BBS5: variants seen among roughly 807,000 people sequenced by gnomAD.
The protein encoded by BBS5 is BBSome complex member BBS5.
BBS5 carries 39 observed loss-of-function variants against 50.2 expected under a neutral mutation model. The observed-to-expected ratio is 0.78, with a 90% confidence interval of 0.60 to 1.01. The LOEUF is 1.01. Ranked by LOEUF, BBS5 falls within the 50% of genes least tolerant of loss-of-function variation. BBS5 has a pLI of 0.00. For missense variants in BBS5, 356 were observed against 401.5 expected (o/e 0.89, Z 0.97); for synonymous variants, 134 against 133.1 (o/e 1.01, Z -0.05).
chr2:169,488,215 G>A (rs1024745949), intron 5 of BBS5, 101 bp downstream of exon 5: 16 of 1,185,936 alleles, frequency 1.3e-5, no homozygotes, highest in Non-Finnish European at 2.0e-5. Context: ...CCAGTTTCAT[G>A]GAAGACAGTT....
Position 169,495,357 on chromosome 2 carries a change from T to C in BBS5, c.618+1521T>C, listed in dbSNP as rs151313189. The stretch of plus-strand genomic sequence containing the variant: ...ACCTAACTTCTATTATGCTGAATAA[T>C]TACTGAGTAGTAAACAACCTTGTGC... On this transcript the variant is annotated intron_variant, in intron 7 of 11. Transcript: ENST00000295240. Among the ~76,000 whole-genome samples the C allele has an allele frequency of 3.9e-4, 59 of 152,322 alleles. 1 individual carries two copies. In the East Asian group the frequency reaches 0.011, roughly 29 times the overall value.
chr2:169,490,464 C>A (rs1021818013), intron 5 of BBS5, among the ~76,000 whole-genome samples: 1 of 152,136 alleles, frequency 6.6e-6, no homozygotes, highest in Non-Finnish European at 1.5e-5. Context: ...GATCCGCCCA[C>A]CTTGGCCTTC....
intron 6 of BBS5, chr2:169,493,216 T>C: frequency 1.7e-6 from 1 of 600,930 alleles, no homozygotes. Context: ...CTGGAATGTC[T>C]CCTTAATTAA....
Position 169,493,770 on chromosome 2 carries a change from T to C in BBS5, c.552T>C (p.Asn184=). Residue 184 remains asparagine, a synonymous_variant, in exon 7 of 12, where the codon AAT becomes AAC. Transcript: ENST00000295240. ...QGNLGTFFIT[N]VRIVWHANMN... ...ATTTAGGAACCTTTTTTATTACCAA[T>C]GTGAGAATTGTGTGGCATGCAAATA... is the stretch of plus-strand genomic sequence containing the variant. 1.2e-6 allele frequency: 2 copies of C among 1,612,936 alleles called. No individual in the cohort carries two copies. Among genetic ancestry groups the C allele is most frequent in the Non-Finnish European group, 1.7e-6 (2 of 1,179,002 alleles).
chr2:169,502,761 CTG>C (rs927640552), intron 9 of BBS5, among the ~76,000 whole-genome samples: 1 of 152,104 alleles, frequency 6.6e-6, no homozygotes, highest in East Asian at 1.9e-4. Flanking sequence ...CTGAGGAAAA[CTG>C]AACATTTGCT....
chr2:169,500,157 T>C (rs1044432183), intron 9 of BBS5, among the ~76,000 whole-genome samples: 1 of 152,258 alleles, frequency 6.6e-6, no homozygotes, highest in Non-Finnish European at 1.5e-5. Flanking sequence ...TCCTGGTTGC[T>C]GCTACTATTC....
chr2:169,502,803 T>C (rs1189400894), intron 9 of BBS5, among the ~76,000 whole-genome samples: 1 of 152,236 alleles, frequency 6.6e-6, no homozygotes, highest in African/African-American at 2.4e-5. Flanking sequence ...TTCTAAATAA[T>C]GTGAAAGAAA....
At chr2:169,486,858 T>C (rs889479886) in intron 2 of BBS5, among the ~76,000 whole-genome samples, 3 of 152,172 alleles carry the variant, frequency 2.0e-5, no homozygotes, top group Non-Finnish European at 4.4e-5. Flanking sequence ...GTATCCCTTA[T>C]ATAACTGTCA....
At chr2:169,481,426 G>A (rs937563334) in intron 1 of BBS5, among the ~76,000 whole-genome samples, 4 of 152,176 alleles carry the variant, frequency 2.6e-5, no homozygotes, top group Admixed American at 6.5e-5. Context: ...GCAGAGAGAG[G>A]TTGGAAGTAC....
At chr2:169,487,384 T>C (rs1367351241) in intron 3 of BBS5, among the ~76,000 whole-genome samples, 1 of 152,138 alleles carries the variant, frequency 6.6e-6, no homozygotes, top group East Asian at 1.9e-4. Context: ...GAGAACATAC[T>C]ATCATCCCCT....
In BBS5 at chr2:169,504,841, G is replaced by T. The variant is rs1683874257; in HGVS notation, c.*259G>T. 4.4e-6 allele frequency: 7 copies of T among 1,605,646 alleles called. No individual in the cohort carries two copies. The South Asian group carries it at 4.4e-5, about 10-fold the overall frequency. ...CTTAAGCCATGGCTGAGGGTAGCTG[G>T]ATTCCTCAGGCCCGGGCGCTCCTAC... On this transcript the variant is annotated 3_prime_UTR_variant, in exon 12 of 12. Coordinates refer to ENST00000295240, the MANE Select transcript of BBS5 (RefSeq NM_152384.3).
chr2:169,497,157 C>T (rs977352579), intron 7 of BBS5, among the ~76,000 whole-genome samples: 1 of 151,952 alleles, frequency 6.6e-6, no homozygotes, highest in Admixed American at 6.5e-5. Context: ...CCTATCTCTA[C>T]AAAAAAGAAA....
intron 7 of BBS5, among the ~76,000 whole-genome samples, chr2:169,494,423 C>T (rs1683657422): frequency 6.6e-6 from 1 of 151,982 alleles, no homozygotes; most frequent in Admixed American, 6.6e-5. Context: ...TCAATTAAAA[C>T]TGTTAAAATC....
At position 169,488,042 on chromosome 2, in the gene BBS5, G is replaced by C. The variant is rs750310876; in HGVS notation, c.314G>C (p.Arg105Pro). Reference sequence around the variant, plus strand: ...ATACTAACAAAATGTAACAGTACTCGTTTTGAATTTATATTTACAAATTTG... The same window carrying C: ...ATACTAACAAAATGTAACAGTACTCCTTTTGAATTTATATTTACAAATTTG... ...LYILTKCNST[R>P]FEFIFTNLVP... The change falls in exon 5 of 12, where the codon CGT becomes CCT. Residue 105 changes from arginine (R) to proline (P), a missense_variant. Transcript: ENST00000295240. The C allele has an allele frequency of 5.0e-6, 8 of 1,613,470 alleles. No individual in the cohort carries two copies. Among genetic ancestry groups the C allele is most frequent in the Non-Finnish European group, 5.1e-6 (6 of 1,179,562 alleles).
chr2:169,505,037 C>T lies in BBS5; in HGVS notation c.*455C>T, dbSNP rs896376904. ...TGGACTGTACTGCTGCCATCTCTGG[C>T]TCACTGCAACCTCCCTGCCTGATTC... On this transcript the variant is annotated 3_prime_UTR_variant, in exon 12 of 12. Transcript: ENST00000295240. 37 of 1,535,314 alleles carry T rather than the reference C, an allele frequency of 2.4e-5. No homozygotes were observed. The South Asian group carries it at 3.8e-4, about 16-fold the overall frequency.
intron 5 of BBS5, among the ~76,000 whole-genome samples, chr2:169,492,480 C>A (rs1205815165): frequency 6.8e-6 from 1 of 146,328 alleles, no homozygotes; most frequent in Non-Finnish European, 1.5e-5. Flanking sequence ...TAGAGTGAGA[C>A]TCCATCTCAA....
In BBS5 at chr2:169,506,143, C is replaced by A; in HGVS notation, c.*1561C>A. The A allele has an allele frequency of 6.9e-6, 1 of 144,612 alleles. No individual in the cohort carries two copies. The highest frequency in any genetic ancestry group is 2.1e-4 in the East Asian group (1 of 4,862). The allele number at this position is 144,612 out of a possible 1,614,324, so 9.0% of individuals were successfully genotyped here. A position where few individuals can be genotyped will look rare whatever the true frequency, so the allele number is the denominator to read the frequency against. ...AGGAGGGAGGTGGGGGGGTCAGCCC[C>A]CCGCCCGGCCAGCCGCCCGGTCCGG... is the stretch of plus-strand genomic sequence containing the variant. On this transcript the variant is annotated 3_prime_UTR_variant, in exon 12 of 12. Transcript: ENST00000295240.
intron 2 of BBS5, among the ~76,000 whole-genome samples, chr2:169,483,600 T>C (rs1384186293): frequency 6.6e-6 from 1 of 152,162 alleles, no homozygotes; most frequent in Non-Finnish European, 1.5e-5. Context: ...ATGTCTTTAT[T>C]GATTGTTTAG....
intron 7 of BBS5, 106 bp downstream of exon 7, chr2:169,493,942 T>A: frequency 1.4e-6 from 1 of 698,594 alleles, no homozygotes; most frequent in Non-Finnish European, 2.5e-6. Context: ...TTTTAAGTGG[T>A]AGCAGTTATT....
Sources: allele counts gnomAD v4.1 joint callset (sites outside exome capture counted in the v4.1 genomes callset), GRCh38; gene constraint gnomAD v4.1.1; transcripts MANE v1.5; gene names NCBI Gene and HGNC (gene_info 2026-07-23, HGNC 2026-07-21).